The following HTR2C variants were observed in gnomAD, a reference collection of about 807,000 sequenced individuals.
HTR2C encodes 5-hydroxytryptamine (serotonin) receptor 2C, G protein-coupled.
In HTR2C, 5 loss-of-function variants were observed where a neutral mutation model predicts 21.0. The ratio of observed to expected loss-of-function variants is 0.24; its 90% CI spans 0.12 to 0.50. The LOEUF (loss-of-function observed/expected upper bound fraction) is 0.50, where lower values mean the gene tolerates loss of function less well. Among genes scored for constraint, HTR2C ranks in the 20% least tolerant of loss-of-function variants. HTR2C has a pLI of 0.98. For missense variants in HTR2C, 271 were observed against 371.2 expected (o/e 0.73, Z 2.22); for synonymous variants, 150 against 145.3 (o/e 1.03, Z -0.23).
intron 3 of HTR2C, among the ~76,000 whole-genome samples, chrX:114,729,323 G>T (rs2069513833): frequency 9.0e-6 from 1 of 111,539 alleles, no homozygotes; most frequent in Non-Finnish European, 1.9e-5. Context: ...AGGTATTAAA[G>T]TTTGACATAT....
At chrX:114,770,332 C>T (rs782681764) in intron 4 of HTR2C, among the ~76,000 whole-genome samples, 14 of 111,314 alleles carry the variant, frequency 1.3e-4, no homozygotes, top group African/African-American at 4.6e-4. Flanking sequence ...TTCTGGACTC[C>T]CATTATGCAT....
intron 1 of HTR2C, among the ~76,000 whole-genome samples, chrX:114,588,116 G>T (rs138146992): frequency 2.3e-4 from 26 of 111,991 alleles, no homozygotes; most frequent in African/African-American, 7.5e-4. Flanking sequence ...AAATAGTTGC[G>T]TATTATAGCA....
intron 4 of HTR2C, among the ~76,000 whole-genome samples, chrX:114,779,086 C>CCA (rs1246508225): frequency 9.0e-6 from 1 of 111,447 alleles, no homozygotes; most frequent in Non-Finnish European, 1.9e-5. Context: ...CATCAAATTG[C>CCA]CACTTGGTGC....
At chrX:114,881,010 T>C (rs911617211) in intron 5 of HTR2C, among the ~76,000 whole-genome samples, 3 of 111,064 alleles carry the variant, frequency 2.7e-5, no homozygotes, top group African/African-American at 9.8e-5. Context: ...CTTTACATCC[T>C]TGTCAATACT....
In HTR2C at chrX:114,604,744, T is replaced by C. The variant is rs1283975633; in HGVS notation, c.-146-9071T>C. Among the ~76,000 whole-genome samples the C allele has an allele frequency of 3.6e-5, 4 of 110,965 alleles. No homozygotes were observed. In the East Asian group the frequency reaches 1.1e-3, roughly 32 times the overall value. Reference sequence around the variant, plus strand: ...CTGCGGGCATTCCTTGGCCTGGTGGTCAGATTTCTGGCACGTGTAGCAAGC... The same window carrying C: ...CTGCGGGCATTCCTTGGCCTGGTGGCCAGATTTCTGGCACGTGTAGCAAGC... On this transcript the variant is annotated intron_variant, in intron 1 of 5. Transcript: ENST00000276198.
At chrX:114,806,976 C>CAT (rs1170476670) in intron 4 of HTR2C, among the ~76,000 whole-genome samples, 1 of 97,680 alleles carries the variant, frequency 1.0e-5, no homozygotes, top group East Asian at 3.3e-4. Context: ...CCATATATAC[C>CAT]ATATATATAC....
At chrX:114,875,167 C>T (rs1232777058) in intron 5 of HTR2C, among the ~76,000 whole-genome samples, 2 of 110,822 alleles carry the variant, frequency 1.8e-5, no homozygotes, top group African/African-American at 6.6e-5. Context: ...GGGTCTTTTA[C>T]GAGGGCATTA....
At chrX:114,685,557 C>T (rs1347243080) in intron 2 of HTR2C, among the ~76,000 whole-genome samples, 5 of 111,780 alleles carry the variant, frequency 4.5e-5, no homozygotes, top group African/African-American at 1.6e-4. Context: ...GAATCTTTGA[C>T]TAACATATAA....
At chrX:114,650,713 T>C (rs782747399) in intron 2 of HTR2C, among the ~76,000 whole-genome samples, 141 of 112,081 alleles carry the variant, frequency 1.3e-3, no homozygotes, top group Non-Finnish European at 2.4e-4. Context: ...TTCTGCCCCA[T>C]ATTGTAAACT....
At chrX:114,817,647 A>G (rs1238142049) in intron 4 of HTR2C, among the ~76,000 whole-genome samples, 1 of 111,005 alleles carries the variant, frequency 9.0e-6, no homozygotes, top group Non-Finnish European at 1.9e-5. Flanking sequence ...ACATCCTACA[A>G]TCATGTTGAA....
chrX:114,729,802 A>AT (rs2069518174), intron 3 of HTR2C, among the ~76,000 whole-genome samples: 1 of 111,425 alleles, frequency 9.0e-6, no homozygotes, highest in Non-Finnish European at 1.9e-5. Flanking sequence ...ACATAAAAAT[A>AT]CATAATATGG....
intron 5 of HTR2C, among the ~76,000 whole-genome samples, chrX:114,871,692 A>G (rs782210882): frequency 7.5e-5 from 8 of 107,239 alleles, no homozygotes; most frequent in Non-Finnish European, 1.5e-4. Context: ...AAGGAATGTT[A>G]TCTTCTTTTC....
intron 2 of HTR2C, among the ~76,000 whole-genome samples, chrX:114,675,869 TTTTTTC>T (rs1931539124): frequency 1.4e-5 from 1 of 72,124 alleles, no homozygotes; most frequent in Non-Finnish European, 3.0e-5. Flanking sequence ...TTCTTTTTTC[TTTTTTC>T]TTTTTTTTTT....
At chrX:114,604,529 A>AG (rs1569477233) in intron 1 of HTR2C, among the ~76,000 whole-genome samples, 2 of 109,353 alleles carry the variant, frequency 1.8e-5, no homozygotes, top group African/African-American at 3.3e-5. Context: ...GTGATGGTCT[A>AG]GGGGGCTTCC....
chrX:114,701,337 A>G (rs1932487941), intron 2 of HTR2C, among the ~76,000 whole-genome samples: 1 of 111,300 alleles, frequency 9.0e-6, no homozygotes. Flanking sequence ...GACACCTCAC[A>G]TGGCCGGGTA....
intron 2 of HTR2C, among the ~76,000 whole-genome samples, chrX:114,657,416 A>G (rs1930822226): frequency 9.0e-6 from 1 of 111,431 alleles, no homozygotes; most frequent in African/African-American, 3.2e-5. Context: ...GGAACCCACA[A>G]TAATAATATG....
chrX:114,678,767 C>T (rs782169585), intron 2 of HTR2C, among the ~76,000 whole-genome samples: 2 of 111,087 alleles, frequency 1.8e-5, no homozygotes, highest in South Asian at 3.8e-4. Context: ...CATCTCCCAC[C>T]CCCCATTCAG....
At chrX:114,742,389 G>A (rs1165991903) in intron 4 of HTR2C, among the ~76,000 whole-genome samples, 2 of 111,263 alleles carry the variant, frequency 1.8e-5, no homozygotes, top group East Asian at 2.8e-4. Flanking sequence ...AATGACATGT[G>A]TGTGGGACAG....
intron 2 of HTR2C, among the ~76,000 whole-genome samples, chrX:114,707,044 C>T (rs1189256488): frequency 1.8e-5 from 2 of 111,626 alleles, no homozygotes; most frequent in Non-Finnish European, 3.8e-5. Context: ...ATTTCAATTA[C>T]TATTGCATAT....
Sources: gnomAD v4.1 joint callset for allele counts (sites outside exome capture counted in the v4.1 genomes callset) on GRCh38, gnomAD v4.1.1 for gene constraint, MANE v1.5 for transcripts, NCBI Gene and HGNC (gene_info 2026-07-23, HGNC 2026-07-21) for gene names.